The following EDIL3 variants were observed in gnomAD, a reference collection of about 807,000 sequenced individuals.
The protein encoded by EDIL3 is EGF like and discoidin domains 3.
A neutral mutation model predicts 67.4 loss-of-function variants in EDIL3; 37 were observed. That is an observed-to-expected ratio of 0.55 (90% CI 0.42 to 0.72). The LOEUF is 0.72. EDIL3 is among the 30% of genes least tolerant of loss of function. The pLI, the probability that EDIL3 is intolerant of heterozygous loss-of-function variation, is 0.00. For missense variants in EDIL3, 527 were observed against 586.3 expected (o/e 0.90, Z 1.04); for synonymous variants, 195 against 196.3 (o/e 0.99, Z 0.05).
At chr5:84,017,519 A>G (rs907057491) in intron 9 of EDIL3, among the ~76,000 whole-genome samples, 1 of 152,194 alleles carries the variant, frequency 6.6e-6, no homozygotes, top group African/African-American at 2.4e-5. Flanking sequence ...AAGTCACTGA[A>G]AAGTTTATGA....
At chr5:83,970,817 C>T (rs1226929501) in intron 9 of EDIL3, among the ~76,000 whole-genome samples, 1 of 151,178 alleles carries the variant, frequency 6.6e-6, no homozygotes, top group Non-Finnish European at 1.5e-5. Context: ...TCATCATCCA[C>T]CAGTATATAT....
intron 3 of EDIL3, among the ~76,000 whole-genome samples, chr5:84,216,950 G>C (rs1744237279): frequency 6.6e-6 from 1 of 152,118 alleles, no homozygotes; most frequent in African/African-American, 2.4e-5. Context: ...TACTTCATAG[G>C]CAGTAGACAG....
intron 7 of EDIL3, among the ~76,000 whole-genome samples, chr5:84,065,990 C>G (rs1746632426): frequency 6.6e-6 from 1 of 151,722 alleles, no homozygotes; most frequent in Admixed American, 6.6e-5. Flanking sequence ...TGGTGGGCAC[C>G]TGTAGTCCCA....
chr5:84,196,467 A>G (rs894474959), intron 3 of EDIL3, among the ~76,000 whole-genome samples: 4 of 152,016 alleles, frequency 2.6e-5, no homozygotes, highest in African/African-American at 9.7e-5. Flanking sequence ...CAATGGCTTT[A>G]ACGCCTTCTA....
At chr5:84,186,712 A>T (rs141360511) in intron 3 of EDIL3, among the ~76,000 whole-genome samples, 1 of 152,012 alleles carries the variant, frequency 6.6e-6, no homozygotes, top group African/African-American at 2.4e-5. Flanking sequence ...TAGTTTCTAT[A>T]ACATACCAGC....
chr5:84,106,619 A>AC, intron 6 of EDIL3, 30 bp downstream of exon 6: 2 of 1,541,042 alleles, frequency 1.3e-6, no homozygotes, highest in Non-Finnish European at 1.7e-6. Flanking sequence ...ATGACTTATA[A>AC]CATTAACCTT....
intron 9 of EDIL3, among the ~76,000 whole-genome samples, chr5:83,989,424 C>A (rs994748000): frequency 8.5e-5 from 13 of 152,120 alleles, no homozygotes; most frequent in African/African-American, 3.1e-4. Context: ...GATAGTTTGT[C>A]CAGGAGAATG....
chr5:84,079,310 G>T (rs1746921283), intron 6 of EDIL3, among the ~76,000 whole-genome samples: 1 of 152,226 alleles, frequency 6.6e-6, no homozygotes, highest in African/African-American at 2.4e-5. Context: ...AACCCAGTGA[G>T]GGTGTAGTGG....
chr5:84,076,515 G>T (rs1476585488), intron 6 of EDIL3, among the ~76,000 whole-genome samples: 1 of 151,948 alleles, frequency 6.6e-6, no homozygotes, highest in Non-Finnish European at 1.5e-5. Flanking sequence ...TTATACATTG[G>T]TCATTTGCAA....
At chr5:83,980,154 T>G (rs1744944574) in intron 9 of EDIL3, among the ~76,000 whole-genome samples, 1 of 152,128 alleles carries the variant, frequency 6.6e-6, no homozygotes, top group Non-Finnish European at 1.5e-5. Flanking sequence ...TACAAACATT[T>G]TACCTATTTT....
chr5:83,955,083 GAATGACTT>G (rs143147498), intron 10 of EDIL3, among the ~76,000 whole-genome samples: 1,560 of 151,806 alleles, frequency 0.01, 28 homozygotes, highest in African/African-American at 0.035. Context: ...AGTTGTATAA[GAATGACTT>G]AAATAAAAGC....
chr5:84,054,036 G>A (rs1746395415), intron 9 of EDIL3, among the ~76,000 whole-genome samples: 1 of 152,114 alleles, frequency 6.6e-6, no homozygotes, highest in South Asian at 2.1e-4. Context: ...TATCCCTGAT[G>A]AACATCGATG....
rs2650473 is a variant in EDIL3, at chr5:84,291,745, G to T, written c.68-37533C>A. ...ATATCTATATAGATCTATCTATATA[G>T]ATATATCTATATATCTATATATCTA... is the stretch of plus-strand genomic sequence containing the variant. On this transcript the variant is annotated intron_variant, in intron 1 of 10. Transcript: ENST00000296591. 7.3e-4 allele frequency among the ~76,000 whole-genome samples: 87 copies of T among 119,766 alleles called. No homozygotes were observed. The East Asian group carries it at 0.015, about 20-fold the overall frequency. The allele number at this position is 119,766 out of a possible 152,430, so 78.6% of individuals were successfully genotyped here.
intron 1 of EDIL3, among the ~76,000 whole-genome samples, chr5:84,303,351 C>A (rs1166644597): frequency 6.6e-6 from 1 of 152,176 alleles, no homozygotes; most frequent in Non-Finnish European, 1.5e-5. Flanking sequence ...TACCACCACA[C>A]CTGCAAAGCT....
At chr5:84,270,423 A>G (rs1486478312) in intron 1 of EDIL3, among the ~76,000 whole-genome samples, 1 of 152,194 alleles carries the variant, frequency 6.6e-6, no homozygotes, top group Non-Finnish European at 1.5e-5. Flanking sequence ...TTAACTCATA[A>G]GCCTAAGGAT....
At chr5:84,355,381 CT>C (rs889383524) in intron 1 of EDIL3, among the ~76,000 whole-genome samples, 4 of 151,960 alleles carry the variant, frequency 2.6e-5, no homozygotes, top group Admixed American at 6.6e-5. Context: ...TTAGCAATTC[CT>C]CTAACCTTTT....
intron 4 of EDIL3, among the ~76,000 whole-genome samples, chr5:84,176,199 A>ATATATATATATATATATAT (rs1748903973): frequency 3.7e-4 from 1 of 2,704 alleles, no homozygotes; most frequent in African/African-American, 1.7e-3. Flanking sequence ...TATATATATA[A>ATATATATATATATATATAT]TATATATATA....
At chr5:83,997,092 C>A (rs1745249474) in intron 9 of EDIL3, among the ~76,000 whole-genome samples, 1 of 151,938 alleles carries the variant, frequency 6.6e-6, no homozygotes, top group African/African-American at 2.4e-5. Context: ...GTTGGTATGG[C>A]AGAAGAACAG....
intron 4 of EDIL3, among the ~76,000 whole-genome samples, chr5:84,141,290 T>C (rs1748184092): frequency 6.6e-6 from 1 of 151,078 alleles, no homozygotes; most frequent in South Asian, 2.1e-4. Context: ...CTTCAAAATA[T>C]GACTTTATAA....
Sources: gnomAD v4.1 joint callset for allele counts (sites outside exome capture counted in the v4.1 genomes callset) on GRCh38, gnomAD v4.1.1 for gene constraint, MANE v1.5 for transcripts, NCBI Gene and HGNC (gene_info 2026-07-23, HGNC 2026-07-21) for gene names.